Variants in CELF4 observed in about 807,000 individuals in gnomAD.
The protein encoded by CELF4 is CUGBP Elav-like family member 4, also known as CUG-BP- and ETR-3-like factor 4.
Under a neutral mutation model 59.9 loss-of-function variants are expected in CELF4, and 18 were observed. That is an observed-to-expected ratio of 0.30 (90% CI 0.21 to 0.45). The LOEUF (loss-of-function observed/expected upper bound fraction) is 0.45. Among genes scored for constraint, CELF4 ranks in the 20% least tolerant of loss-of-function variants. The pLI is 1.00. For missense variants in CELF4, 456 were observed against 689.0 expected (o/e 0.66, Z 3.79); for synonymous variants, 261 against 267.1 (o/e 0.98, Z 0.22).
rs572881586 is a variant in CELF4, at chr18:37,381,211, G to A, written c.370-59330C>T. Among the ~76,000 whole-genome samples the A allele has an allele frequency of 3.3e-5, 5 of 152,278 alleles. No homozygotes were observed. In the South Asian group the frequency reaches 6.2e-4, roughly 19 times the overall value. On this transcript the variant is annotated intron_variant, in intron 2 of 12. Transcript: ENST00000420428. The stretch of plus-strand genomic sequence containing the variant: ...TCAAGGGCATGCTTGATGCCAGGCC[G>A]TACACTAGTACTGGAATAAGGTCTA...
rs1216334900 is a variant in CELF4, at chr18:37,398,303, TGA to T, written c.370-76424_370-76423del. Among the ~76,000 whole-genome samples the T allele has an allele frequency of 1.6e-3, 251 of 152,280 alleles. 2 individuals carry two copies. Among genetic ancestry groups the T allele is most frequent in the African/African-American group, 5.6e-3 (233 of 41,568 alleles). On this transcript the variant is annotated intron_variant, in intron 2 of 12. Transcript: ENST00000420428. ...AAAAGTGGGCAAACGAGGGCCAGGA[TGA>T]CAGTGAAAGTCCTGTCCTGGGAGGG...
intron 2 of CELF4, among the ~76,000 whole-genome samples, chr18:37,411,930 C>T (rs2099465592): frequency 6.6e-6 from 1 of 152,240 alleles, no homozygotes; most frequent in Non-Finnish European, 1.5e-5. Context: ...ACTGTGCCCT[C>T]CAGCCGCCTG....
Position 37,274,437 on chromosome 18 carries a change from C to T in CELF4, c.675G>A (p.Leu225=). The stretch of plus-strand genomic sequence containing the variant: ...TGTCGGTGTCGGCGAACTTGACCAC[C>T]AGACTGGACGAGGCTCCCTGCGGCC... ...SQTMPGASSS[L]VVKFADTDKE... is the part of the protein sequence containing the mutation. Residue 225 remains leucine, a synonymous_variant, in exon 6 of 13, where the codon CTG becomes CTA. Transcript: ENST00000420428. 6.2e-7 allele frequency: 1 copy of T among 1,613,272 alleles called. No homozygotes were observed. Among genetic ancestry groups the T allele is most frequent in the Non-Finnish European group, 8.5e-7 (1 of 1,179,914 alleles).
chr18:37,420,475 G>A (rs1432140324), intron 2 of CELF4, among the ~76,000 whole-genome samples: 3 of 152,216 alleles, frequency 2.0e-5, no homozygotes, highest in Admixed American at 6.5e-5. Context: ...GAACTGGGTG[G>A]CGAGAGAGGG....
chr18:37,554,014 C>T (rs796536838), intron 1 of CELF4, among the ~76,000 whole-genome samples: 4 of 152,358 alleles, frequency 2.6e-5, no homozygotes, highest in African/African-American at 9.6e-5. Flanking sequence ...AGTGGTCTAG[C>T]TTCTGGGCTC....
chr18:37,267,793 T>C (rs2078402383), intron 8 of CELF4, among the ~76,000 whole-genome samples: 1 of 151,924 alleles, frequency 6.6e-6, no homozygotes, highest in African/African-American at 2.4e-5. Flanking sequence ...CCCAACACTT[T>C]GGGAGGCCGA....
chr18:37,328,779 C>T (rs1007454769), intron 2 of CELF4, among the ~76,000 whole-genome samples: 10 of 152,146 alleles, frequency 6.6e-5, no homozygotes, highest in African/African-American at 2.4e-4. Flanking sequence ...CACCCCAGCA[C>T]ACACGATGGT....
At chr18:37,497,030 A>C (rs2099925991) in intron 1 of CELF4, among the ~76,000 whole-genome samples, 1 of 152,156 alleles carries the variant, frequency 6.6e-6, no homozygotes, top group South Asian at 2.1e-4. Flanking sequence ...GTCATCCTGC[A>C]ATCATTGCTG....
rs918997552 is a variant in CELF4 at position 37,442,792 on chromosome 18, C to A, written c.369+42733G>T. 3.3e-5 allele frequency among the ~76,000 whole-genome samples: 5 copies of A among 152,326 alleles called. No individual in the cohort carries two copies. In the East Asian group the frequency reaches 9.7e-4, roughly 29 times the overall value. On this transcript the variant is annotated intron_variant, in intron 2 of 12. Transcript: ENST00000420428. Reference sequence around the variant, plus strand: ...GTATGGGAATGAACAAGACGTCTTACGGAGGCGCCTTGCAATTGTAGAATT... The same window carrying A: ...GTATGGGAATGAACAAGACGTCTTAAGGAGGCGCCTTGCAATTGTAGAATT...
chr18:37,403,302 C>A (rs1036024390), intron 2 of CELF4, among the ~76,000 whole-genome samples: 11 of 152,136 alleles, frequency 7.2e-5, no homozygotes, highest in Admixed American at 5.9e-4. Context: ...TCCCTGCCCC[C>A]CTCCATAAGA....
intron 2 of CELF4, among the ~76,000 whole-genome samples, chr18:37,322,350 C>G (rs553988927): frequency 1.3e-5 from 2 of 152,346 alleles, no homozygotes; most frequent in East Asian, 3.9e-4. Flanking sequence ...GATCCCAGCC[C>G]GTACCAGCTC....
chr18:37,301,285 C>T (rs1280787162), intron 3 of CELF4, among the ~76,000 whole-genome samples: 1 of 152,186 alleles, frequency 6.6e-6, no homozygotes, highest in East Asian at 1.9e-4. Flanking sequence ...GACTGAGAGG[C>T]CACTGCAGGT....
chr18:37,347,546 G>A (rs545834111), intron 2 of CELF4, among the ~76,000 whole-genome samples: 4 of 152,216 alleles, frequency 2.6e-5, no homozygotes, highest in South Asian at 2.1e-4. Flanking sequence ...GGGGCAGGTC[G>A]TCACCTGCAT....
chr18:37,383,797 G>A (rs2099068668), intron 2 of CELF4, among the ~76,000 whole-genome samples: 1 of 152,204 alleles, frequency 6.6e-6, no homozygotes, highest in Non-Finnish European at 1.5e-5. Context: ...CCAGCCACAG[G>A]GCCAGGGCTC....
At chr18:37,418,088 C>T (rs1569569288) in intron 2 of CELF4, among the ~76,000 whole-genome samples, 1 of 152,212 alleles carries the variant, frequency 6.6e-6, no homozygotes, top group Non-Finnish European at 1.5e-5. Context: ...CAAAAGTGAT[C>T]TGATGAAAGG....
At chr18:37,377,721 TG>T (rs2098987139) in intron 2 of CELF4, among the ~76,000 whole-genome samples, 1 of 152,134 alleles carries the variant, frequency 6.6e-6, no homozygotes. Context: ...ACTCTGCCTT[TG>T]GGGTTGGGGT....
At chr18:37,261,467 C>T (rs2074411543) in intron 10 of CELF4, among the ~76,000 whole-genome samples, 1 of 152,236 alleles carries the variant, frequency 6.6e-6, no homozygotes, top group Non-Finnish European at 1.5e-5. Flanking sequence ...CCAGGGATGA[C>T]TCTCTAGCCC....
chr18:37,443,179 C>T (rs1338168841), intron 2 of CELF4, among the ~76,000 whole-genome samples: 1 of 152,176 alleles, frequency 6.6e-6, no homozygotes, highest in African/African-American at 2.4e-5. Context: ...TAGAGCCTCA[C>T]AGGGGGCAAC....
chr18:37,558,073 C>T (rs2099985350), intron 1 of CELF4, among the ~76,000 whole-genome samples: 2 of 147,966 alleles, frequency 1.4e-5, no homozygotes, highest in Admixed American at 6.9e-5. Flanking sequence ...GCAATCTCCA[C>T]TCATTGCAAC....
Sources: allele counts gnomAD v4.1 joint callset (sites outside exome capture counted in the v4.1 genomes callset), GRCh38; gene constraint gnomAD v4.1.1; transcripts MANE v1.5; gene names NCBI Gene and HGNC (gene_info 2026-07-23, HGNC 2026-07-21).